Variants in MFHAS1 observed in about 807,000 individuals in gnomAD.
The protein encoded by MFHAS1 is malignant fibrous histiocytoma-amplified sequence 1.
MFHAS1 carries 50 observed loss-of-function variants against 70.4 expected under a neutral mutation model. The ratio of observed to expected loss-of-function variants is 0.71; its 90% CI spans 0.57 to 0.90. The LOEUF is 0.90. Ranked by LOEUF, MFHAS1 falls within the 40% of genes least tolerant of loss-of-function variation. The pLI is 0.00. For missense variants in MFHAS1, 1,795 were observed against 1,347.6 expected (o/e 1.33, Z -5.20); for synonymous variants, 952 against 620.0 (o/e 1.54, Z -7.96).
intron 1 of MFHAS1, among the ~76,000 whole-genome samples, chr8:8,837,462 T>C (rs1807640509): frequency 6.6e-6 from 1 of 152,070 alleles, no homozygotes; most frequent in South Asian, 2.1e-4. Flanking sequence ...GCCAACATGG[T>C]GAAACTCTGT....
intron 1 of MFHAS1, among the ~76,000 whole-genome samples, chr8:8,826,835 AGGTCC>A (rs1250042956): frequency 1.3e-5 from 2 of 152,168 alleles, no homozygotes; most frequent in African/African-American, 4.8e-5. Context: ...TGCAGATGTG[AGGTCC>A]GGTACAGTGC....
At chr8:8,851,866 G>C (rs1249222820) in intron 1 of MFHAS1, among the ~76,000 whole-genome samples, 1 of 152,206 alleles carries the variant, frequency 6.6e-6, no homozygotes, top group Non-Finnish European at 1.5e-5. Context: ...GGTGAGACTT[G>C]AAAAGCGATC....
At chr8:8,801,747 G>A (rs536076143) in intron 1 of MFHAS1, among the ~76,000 whole-genome samples, 29 of 152,326 alleles carry the variant, frequency 1.9e-4, no homozygotes, top group Middle Eastern at 3.4e-3. Context: ...TGAAGAAGAC[G>A]CAGGGGTCTG....
chr8:8,891,133 C>T lies in MFHAS1; in HGVS notation c.1926G>A (p.Leu642=), dbSNP rs775619271. ...TCTCTCGGTGCTCAGCAACTGACAG[C>T]AACTTGTCCCGAAGGCGTCGTAAGT... ...PRHLRRLRDK[L]LSVAEHREIF... The change falls in exon 1 of 3, where the codon TTG becomes TTA. Residue 642 remains leucine (L), a synonymous_variant. Transcript: ENST00000276282. The surrounding 1 kb of genome is among the most constrained non-coding windows in gnomAD (Gnocchi z 5.4). The T allele has an allele frequency of 2.9e-5, 46 of 1,613,776 alleles. No homozygotes were observed. The highest frequency in any genetic ancestry group is 3.6e-5 in the Non-Finnish European group (43 of 1,180,006).
chr8:8,837,509 G>C (rs1191330229), intron 1 of MFHAS1, among the ~76,000 whole-genome samples: 2 of 152,062 alleles, frequency 1.3e-5, no homozygotes, highest in African/African-American at 4.8e-5. Flanking sequence ...AAGCGTGGTG[G>C]CGCACACCTA....
intron 1 of MFHAS1, 105 bp from the exon 2 acceptor site, chr8:8,797,596 G>A (rs1273435235): frequency 2.4e-6 from 3 of 1,272,628 alleles, no homozygotes; most frequent in South Asian, 1.5e-5. Context: ...GAGAAGGGCA[G>A]AGGTGAAGCA....
intron 1 of MFHAS1, among the ~76,000 whole-genome samples, chr8:8,835,420 G>C (rs748249839): frequency 1.4e-4 from 22 of 152,116 alleles, no homozygotes; most frequent in African/African-American, 5.1e-4. Context: ...AGAGTTACGA[G>C]ATACCCATCA....
chr8:8,818,325 C>T (rs367968950), intron 1 of MFHAS1, among the ~76,000 whole-genome samples: 9 of 152,206 alleles, frequency 5.9e-5, no homozygotes, highest in African/African-American at 1.7e-4. Flanking sequence ...CAAAGTCATA[C>T]ATCACAGGTC....
chr8:8,798,914 G>A (rs1805993701), intron 1 of MFHAS1, among the ~76,000 whole-genome samples: 1 of 152,098 alleles, frequency 6.6e-6, no homozygotes, highest in Non-Finnish European at 1.5e-5. Context: ...AGGCATTTGT[G>A]GCAGGTGCCT....
Position 8,890,944 on chromosome 8 carries a change from G to C in MFHAS1, c.2115C>G (p.Ser705=). The change falls in exon 1 of 3, where the codon TCC becomes TCG. Residue 705 remains serine (S), a synonymous_variant. Coordinates refer to ENST00000276282, the MANE Select transcript of MFHAS1 (RefSeq NM_004225.3). ...LTEDRLQSAL[S]YLHESGKLLY... ...GTAGCTTGCCGCTCTCATGCAGGTAGGAGAGGGCACTCTGCAGTCGGTCCT... is the reference window on the plus strand; with the variant it reads ...GTAGCTTGCCGCTCTCATGCAGGTACGAGAGGGCACTCTGCAGTCGGTCCT... 1 of 1,614,090 alleles carries C rather than the reference G, an allele frequency of 6.2e-7. No individual in the cohort carries two copies. Among genetic ancestry groups the C allele is most frequent in the Non-Finnish European group, 8.5e-7 (1 of 1,180,030 alleles).
chr8:8,840,539 T>G (rs911759831), intron 1 of MFHAS1, among the ~76,000 whole-genome samples: 1 of 151,318 alleles, frequency 6.6e-6, no homozygotes, highest in Non-Finnish European at 1.5e-5. Context: ...TTGGCAGCCA[T>G]GATGGTGCCG....
intron 1 of MFHAS1, among the ~76,000 whole-genome samples, chr8:8,817,684 A>C (rs762893991): frequency 1.3e-5 from 2 of 152,238 alleles, no homozygotes; most frequent in African/African-American, 2.4e-5. Context: ...TTCGTGGAAG[A>C]TGATTTTTCC....
chr8:8,832,986 C>T (rs572367824), intron 1 of MFHAS1, among the ~76,000 whole-genome samples: 4 of 152,070 alleles, frequency 2.6e-5, no homozygotes, highest in African/African-American at 4.8e-5. Context: ...ACAAAAAGCA[C>T]GGAAGCATCT....
At chr8:8,817,945 C>G (rs955286831) in intron 1 of MFHAS1, among the ~76,000 whole-genome samples, 3 of 152,214 alleles carry the variant, frequency 2.0e-5, no homozygotes, top group African/African-American at 7.2e-5. Flanking sequence ...CAGCCCAGTT[C>G]CTAACAGCCC....
At chr8:8,801,019 T>C (rs777564564) in intron 1 of MFHAS1, among the ~76,000 whole-genome samples, 1 of 152,004 alleles carries the variant, frequency 6.6e-6, no homozygotes, top group Non-Finnish European at 1.5e-5. Flanking sequence ...ATCGAGACTA[T>C]CCTGGCCAAC....
At chr8:8,862,700 C>G (rs1808711908) in intron 1 of MFHAS1, among the ~76,000 whole-genome samples, 1 of 152,084 alleles carries the variant, frequency 6.6e-6, no homozygotes, top group South Asian at 2.1e-4. Flanking sequence ...AGAGTGAACC[C>G]TACCTAGTGT....
At chr8:8,814,196 C>G (rs904349349) in intron 1 of MFHAS1, among the ~76,000 whole-genome samples, 5 of 152,288 alleles carry the variant, frequency 3.3e-5, no homozygotes, top group African/African-American at 1.2e-4. Flanking sequence ...CCTCAGCCTC[C>G]CACAGTGCTG....
intron 1 of MFHAS1, among the ~76,000 whole-genome samples, chr8:8,808,800 C>CAA (rs1806435409): frequency 6.6e-6 from 1 of 152,268 alleles, no homozygotes; most frequent in East Asian, 1.9e-4. Flanking sequence ...TTGGTGGTTT[C>CAA]AGGATCCAGT....
intron 1 of MFHAS1, among the ~76,000 whole-genome samples, chr8:8,865,578 C>T (rs1346923700): frequency 6.6e-6 from 1 of 152,164 alleles, no homozygotes; most frequent in Non-Finnish European, 1.5e-5. Context: ...TGACACTTGA[C>T]ATGAATTACT....
Sources: gnomAD v4.1 joint callset for allele counts (sites outside exome capture counted in the v4.1 genomes callset) on GRCh38, gnomAD v4.1.1 for gene constraint, Gnocchi (gnomAD v3.1) non-coding constraint, MANE v1.5 for transcripts, NCBI Gene and HGNC (gene_info 2026-07-23, HGNC 2026-07-21) for gene names.